The following ZNF90 variants were observed in gnomAD, a reference collection of about 807,000 sequenced individuals.
ZNF90 encodes the protein zinc finger protein 90, also known as zinc finger protein HTF9.
A neutral mutation model predicts 12.0 loss-of-function variants in ZNF90; 11 were observed. That is an observed-to-expected ratio of 0.92 (90% CI 0.58 to 1.52). The LOEUF (loss-of-function observed/expected upper bound fraction) is 1.52. ZNF90 is among the 40% of genes most tolerant of loss of function. The pLI, the probability that ZNF90 is intolerant of heterozygous loss-of-function variation, is 0.00. For synonymous variants in ZNF90, 232 were observed against 240.1 expected, an observed-to-expected ratio of 0.97 and a Z score of 0.31; for missense variants, 765 against 711.5, an observed-to-expected ratio of 1.08 and a Z score of -0.86.
Position 20,118,655 on chromosome 19 carries a change from A to G in ZNF90, c.1101A>G (p.Lys367=). The stretch of plus-strand genomic sequence containing the variant: ...ATAAGAGAATTCATACTGGAGAGAA[A>G]CCCTACAAGTGTGATAAATGTGGCA... ...RTHKRIHTGE[K]PYKCDKCGKA... The change falls in exon 4 of 4, where the codon AAA becomes AAG. Residue 367 remains lysine, a synonymous_variant. Coordinates refer to ENST00000418063, the MANE Select transcript of ZNF90 (RefSeq NM_007138.2). 10 of 1,568,554 alleles carry G rather than the reference A, an allele frequency of 6.4e-6. No homozygotes were observed. Among genetic ancestry groups the G allele is most frequent in the Non-Finnish European group, 8.6e-6 (10 of 1,157,668 alleles).
At chr19:20,103,279 G>A (rs782666983) in intron 1 of ZNF90, among the ~76,000 whole-genome samples, 7 of 152,182 alleles carry the variant, frequency 4.6e-5, no homozygotes, top group Non-Finnish European at 1.0e-4. Flanking sequence ...TAAGGAACCT[G>A]TTCTGCTACT....
Position 20,118,186 on chromosome 19 carries a change from A to G in ZNF90, c.632A>G (p.Asn211Ser). 1.2e-6 allele frequency: 2 copies of G among 1,612,212 alleles called. No individual in the cohort carries two copies. Among genetic ancestry groups the G allele is most frequent in the Non-Finnish European group, 1.7e-6 (2 of 1,179,110 alleles). Residue 211 changes from asparagine to serine, a missense_variant, in exon 4 of 4, where the codon AAC (asparagine) becomes AGC (serine). Transcript: ENST00000418063. ...CKCEECGKAF[N>S]RSSHLTSHKR... The stretch of plus-strand genomic sequence containing the variant: ...TGTGAAGAATGTGGCAAAGCCTTCA[A>G]CAGGTCCTCACACCTTACTTCACAT...
intron 3 of ZNF90, among the ~76,000 whole-genome samples, chr19:20,109,019 G>A (rs1489293408): frequency 1.3e-5 from 2 of 151,758 alleles, no homozygotes; most frequent in African/African-American, 4.8e-5. Flanking sequence ...CACCGTGCCC[G>A]GCTTCAGTGT....
At chr19:20,091,550 C>A (rs1398909208) in intron 1 of ZNF90, among the ~76,000 whole-genome samples, 1 of 152,154 alleles carries the variant, frequency 6.6e-6, no homozygotes, top group Non-Finnish European at 1.5e-5. Flanking sequence ...GAAAAACTGG[C>A]TGTGAGGGAC....
At chr19:20,114,537 C>T (rs1186489211) in intron 3 of ZNF90, among the ~76,000 whole-genome samples, 2 of 152,046 alleles carry the variant, frequency 1.3e-5, no homozygotes, top group Admixed American at 1.3e-4. Context: ...CAATATTTAT[C>T]TTAATAATTG....
intron 1 of ZNF90, among the ~76,000 whole-genome samples, chr19:20,093,720 T>C (rs1169304335): frequency 1.3e-5 from 2 of 152,118 alleles, no homozygotes; most frequent in Non-Finnish European, 2.9e-5. Context: ...ACAACAGTTA[T>C]GGGGGCAAGG....
chr19:20,082,999 G>A (rs532218281), intron 1 of ZNF90, among the ~76,000 whole-genome samples: 36 of 152,270 alleles, frequency 2.4e-4, no homozygotes, highest in African/African-American at 8.7e-4. Context: ...TCAAAACACA[G>A]CACATTTTCT....
intron 1 of ZNF90, among the ~76,000 whole-genome samples, chr19:20,082,074 T>C (rs1438489652): frequency 1.3e-5 from 2 of 152,142 alleles, no homozygotes; most frequent in South Asian, 2.1e-4. Flanking sequence ...TGTTTTTTTT[T>C]CTTGTAGCTT....
intron 3 of ZNF90, among the ~76,000 whole-genome samples, chr19:20,116,846 T>C (rs781837847): frequency 1.3e-5 from 2 of 152,134 alleles, no homozygotes; most frequent in Admixed American, 1.3e-4. Flanking sequence ...ATCTTTAGAC[T>C]CAGTAGACTC....
intron 1 of ZNF90, among the ~76,000 whole-genome samples, chr19:20,084,210 C>A (rs10414988): frequency 1.3e-5 from 2 of 151,950 alleles, no homozygotes; most frequent in South Asian, 2.1e-4. Flanking sequence ...CTGGCCACCA[C>A]GCATGGCAAA....
chr19:20,099,569 C>T (rs1489001118), intron 1 of ZNF90, among the ~76,000 whole-genome samples: 5 of 152,206 alleles, frequency 3.3e-5, no homozygotes, highest in African/African-American at 1.2e-4. Context: ...CTTAGCCTTA[C>T]TCTTTTGTCT....
intron 3 of ZNF90, among the ~76,000 whole-genome samples, chr19:20,112,108 C>T (rs1236124659): frequency 2.6e-5 from 4 of 152,180 alleles, no homozygotes; most frequent in Non-Finnish European, 5.9e-5. Flanking sequence ...TCACCCGCCT[C>T]ATCCTCCCAA....
At position 20,081,772 on chromosome 19, in the gene ZNF90, T is replaced by C. The variant is rs1285370635; in HGVS notation, c.3+3637T>C. ...TTTTTTTCTTTCTTTCTTTCTTCTT[T>C]TTTTTTTTTTGAGATGGCGTCTCGC... On this transcript the variant is annotated intron_variant, in intron 1 of 3. Coordinates refer to ENST00000418063, the MANE Select transcript of ZNF90 (RefSeq NM_007138.2). Among the ~76,000 whole-genome samples the C allele has an allele frequency of 4.6e-5, 7 of 151,230 alleles. No homozygotes were observed. In the East Asian group the frequency reaches 1.4e-3, roughly 29 times the overall value.
intron 1 of ZNF90, among the ~76,000 whole-genome samples, chr19:20,099,095 T>C (rs2088970048): frequency 6.6e-6 from 1 of 152,228 alleles, no homozygotes; most frequent in African/African-American, 2.4e-5. Context: ...TACTGGGCTT[T>C]ATTTAGGCCA....
At chr19:20,112,917 A>C (rs1555705285) in intron 3 of ZNF90, among the ~76,000 whole-genome samples, 2 of 151,938 alleles carry the variant, frequency 1.3e-5, no homozygotes, top group African/African-American at 4.8e-5. Flanking sequence ...CTTTTTTTGC[A>C]ATTTAATATT....
At chr19:20,103,193 C>A (rs2089004065) in intron 1 of ZNF90, among the ~76,000 whole-genome samples, 1 of 152,176 alleles carries the variant, frequency 6.6e-6, no homozygotes, top group Non-Finnish European at 1.5e-5. Context: ...GGTAATCCAA[C>A]AGAGAAACAG....
At chr19:20,080,415 C>T (rs1298021041) in intron 1 of ZNF90, 16 of 356,340 alleles carry the variant, frequency 4.5e-5, no homozygotes, top group African/African-American at 1.3e-4. Context: ...TGTGTGGATG[C>T]GGCGGGGGCC....
Position 20,096,423 on chromosome 19 carries a change from C to G in ZNF90, c.4-7816C>G, listed in dbSNP as rs148536692. Among the ~76,000 whole-genome samples the G allele has an allele frequency of 9.4e-3, 1,425 of 151,432 alleles. 16 individuals are homozygous for G. The highest frequency in any genetic ancestry group is 0.033 in the African/African-American group (1,351 of 41,300). ...CACCTGAGTGCAGGTGGGCTGATTC[C>G]GAAAAGAGAGTCAGCGAAGGGAGAT... On this transcript the variant is annotated intron_variant, in intron 1 of 3. Coordinates refer to ENST00000418063, the MANE Select transcript of ZNF90 (RefSeq NM_007138.2).
chr19:20,083,671 G>A (rs2088838059), intron 1 of ZNF90, among the ~76,000 whole-genome samples: 2 of 152,250 alleles, frequency 1.3e-5, no homozygotes, highest in Non-Finnish European at 2.9e-5. Flanking sequence ...CATCATCGAT[G>A]TTATTGCAAA....
Sources: allele counts gnomAD v4.1 joint callset (sites outside exome capture counted in the v4.1 genomes callset), GRCh38; gene constraint gnomAD v4.1.1; transcripts MANE v1.5; gene names NCBI Gene and HGNC (gene_info 2026-07-23, HGNC 2026-07-21).